The following SETDB1 variants were observed in gnomAD, a reference collection of about 807,000 sequenced individuals.
The protein encoded by SETDB1 is histone-lysine N-methyltransferase SETDB1.
A neutral mutation model predicts 137.4 loss-of-function variants in SETDB1; 31 were observed. That is an observed-to-expected ratio of 0.23 (90% CI 0.17 to 0.30). SETDB1 has a LOEUF of 0.30. Ranked by LOEUF, SETDB1 falls within the 10% of genes least tolerant of loss-of-function variation. The probability of loss-of-function intolerance (pLI) is 1.00; values close to 1 mark genes in which losing one functional copy is unlikely to be tolerated. For synonymous variants in SETDB1, 548 were observed against 579.9 expected (o/e 0.95, Z 0.79); for missense variants, 1,113 against 1,631.5 (o/e 0.68, Z 5.47).
At position 150,949,455 on chromosome 1, in the gene SETDB1, T is replaced by G. The variant is rs1283879226; in HGVS notation, c.1513T>G (p.Ser505Ala). ...FRPGSVGSGH[S>A]SPTSPALSEN... ...ACCAGGATCTGTGGGCTCTGGTCAT[T>G]CCTCCCCTACATCTCCTGCACTCAG... Residue 505 changes from serine (S) to alanine (A), a missense_variant, in exon 12 of 22, where the codon TCC becomes GCC. Transcript: ENST00000692827. The G allele has an allele frequency of 1.9e-6, 3 of 1,613,952 alleles. No individual in the cohort carries two copies. In the Admixed American group the frequency reaches 5.0e-5, roughly 27 times the overall value.
At position 150,954,294 on chromosome 1, in the gene SETDB1, G is replaced by A. The variant is rs1299000284; in HGVS notation, c.2333+2813G>A. ...GCTATGATCACACCACTACACTCTA[G>A]CCTGGGGTGACAGAGCATGACTCTT... On this transcript the variant is annotated intron_variant, in intron 14 of 21. Coordinates refer to ENST00000692827, the MANE Select transcript of SETDB1 (RefSeq NM_001366418.1). 2.0e-5 allele frequency among the ~76,000 whole-genome samples: 3 copies of A among 152,310 alleles called. No homozygotes were observed. The East Asian group carries it at 5.8e-4, about 29-fold the overall frequency.
chr1:150,927,615 G>A lies in SETDB1; in HGVS notation c.-11-89G>A, dbSNP rs1571617503. On this transcript the variant is annotated intron_variant, in intron 1 of 21. Coordinates refer to ENST00000692827, the MANE Select transcript of SETDB1 (RefSeq NM_001366418.1). Reference sequence around the variant, plus strand: ...GAATAGAATAACAGGCAGCAGAGTAGGAATTAGTTTTATTAGGGAACTGAA... The same window carrying A: ...GAATAGAATAACAGGCAGCAGAGTAAGAATTAGTTTTATTAGGGAACTGAA... The A allele has an allele frequency of 5.3e-6, 6 of 1,136,766 alleles. No individual in the cohort carries two copies. The East Asian group carries it at 1.2e-4, about 22-fold the overall frequency. 70.4% of individuals were successfully genotyped at this position (1,136,766 alleles called of 1,614,324 possible). A position where few individuals can be genotyped will look rare whatever the true frequency, so the allele number is the denominator to read the frequency against.
chr1:150,958,486 G>A (rs1274315202), intron 14 of SETDB1, among the ~76,000 whole-genome samples: 3 of 151,852 alleles, frequency 2.0e-5, no homozygotes, highest in South Asian at 2.1e-4. Context: ...TCCTGACCTC[G>A]TGATCCACCC....
chr1:150,930,469 C>T (rs1311969872), intron 3 of SETDB1: 1 of 151,686 alleles, frequency 6.6e-6, no homozygotes, highest in African/African-American at 2.6e-5. Flanking sequence ...CCCGCAACCG[C>T]ATTAAACTCA....
At chr1:150,960,399 C>A (rs1670783005) in intron 15 of SETDB1, among the ~76,000 whole-genome samples, 164 bp from the exon 16 acceptor site, 1 of 150,592 alleles carries the variant, frequency 6.6e-6, no homozygotes, top group Admixed American at 6.6e-5. Context: ...ATCACTTGAA[C>A]CTGGGAGGCA....
At chr1:150,935,088 T>C (rs1669904982) in intron 3 of SETDB1, among the ~76,000 whole-genome samples, 1 of 152,224 alleles carries the variant, frequency 6.6e-6, no homozygotes, top group Non-Finnish European at 1.5e-5. Context: ...CCCAAAGTAC[T>C]GGGATTACAG....
intron 14 of SETDB1, among the ~76,000 whole-genome samples, chr1:150,956,737 G>A (rs587726278): frequency 2.0e-5 from 3 of 151,890 alleles, no homozygotes; most frequent in East Asian, 3.9e-4. Flanking sequence ...GACCACCAGG[G>A]AAATAATCTC....
chr1:150,949,594 T>G, intron 12 of SETDB1, 69 bp downstream of exon 12: 1 of 1,440,514 alleles, frequency 6.9e-7, no homozygotes, highest in Non-Finnish European at 9.6e-7. Context: ...GAAGGTTCCT[T>G]GGCTGTAAGC....
chr1:150,946,876 A>G lies in SETDB1; in HGVS notation c.1141-10A>G. The stretch of plus-strand genomic sequence containing the variant: ...CTATTTCCCTTCATTCTTTTCTCTC[A>G]ATTCCCCAGGATGACAAAAGATGTG... On this transcript the variant is annotated splice_polypyrimidine_tract_variant and intron_variant, in intron 9 of 21. Coordinates refer to ENST00000692827, the MANE Select transcript of SETDB1 (RefSeq NM_001366418.1). The G allele has an allele frequency of 6.2e-7, 1 of 1,613,854 alleles. No individual in the cohort carries two copies. Among genetic ancestry groups the G allele is most frequent in the Non-Finnish European group, 8.5e-7 (1 of 1,179,828 alleles).
chr1:150,944,875 A>T (rs764144719), intron 8 of SETDB1, 43 bp from the exon 9 acceptor site: 1 of 1,606,964 alleles, frequency 6.2e-7, no homozygotes, highest in Admixed American at 1.7e-5. Context: ...CTATCAAGAC[A>T]TGCCCTACCT....
chr1:150,951,899 G>T (rs57378704), intron 14 of SETDB1, among the ~76,000 whole-genome samples: 10,904 of 152,156 alleles, frequency 0.072, 1,334 homozygotes, highest in African/African-American at 0.25. Context: ...TGTAATCCCA[G>T]CACTTTCGGA....
chr1:150,960,649 G>A lies in SETDB1; in HGVS notation c.2590G>A (p.Val864Met), dbSNP rs1350641180. The change falls in exon 16 of 22, where the codon GTG (valine) becomes ATG (methionine). Residue 864 changes from valine (V) to methionine (M), a missense_variant. Coordinates refer to ENST00000692827, the MANE Select transcript of SETDB1 (RefSeq NM_001366418.1). ...TGCAAATCTGGACCATATCGAGAGC[G>A]TGGAGAACTTCAAAGAAGGATATGA... ...YFANLDHIES[V>M]ENFKEGYESD... 5 of 1,613,852 alleles carry A rather than the reference G, an allele frequency of 3.1e-6. No homozygotes were observed. The highest frequency in any genetic ancestry group is 4.2e-6 in the Non-Finnish European group (5 of 1,179,964).
intron 14 of SETDB1, among the ~76,000 whole-genome samples, chr1:150,956,200 A>G (rs1309462737): frequency 2.0e-5 from 3 of 151,988 alleles, no homozygotes; most frequent in Admixed American, 1.3e-4. Context: ...AGCCTGGCCA[A>G]GATGTTGAAA....
chr1:150,952,829 G>A (rs1571652525), intron 14 of SETDB1, among the ~76,000 whole-genome samples: 1 of 152,300 alleles, frequency 6.6e-6, no homozygotes, highest in South Asian at 2.1e-4. Flanking sequence ...GGAGGTTGTG[G>A]TGAGCTAAGA....
Position 150,944,942 on chromosome 1 carries a change from A to G in SETDB1, c.974A>G (p.Glu325Gly). The G allele has an allele frequency of 6.2e-7, 1 of 1,614,170 alleles. No individual in the cohort carries two copies. The change falls in exon 9 of 22, where the codon GAA becomes GGA. Residue 325 changes from glutamate to glycine, a missense_variant. By Grantham distance (98) the Glu-to-Gly change is moderately conservative. Transcript: ENST00000692827. ...GTGAAAAAGACTTGGGAGGACATAG[A>G]AGACATCTCCTGCCGTGACTTCATA... ...RPLKKTWEDIEDISCRDFIEE... is the reference protein window; with the variant it reads ...RPLKKTWEDIGDISCRDFIEE...
Position 150,964,435 on chromosome 1 carries a change from C to A in SETDB1, c.*71C>A. On this transcript the variant is annotated 3_prime_UTR_variant, in exon 22 of 22. Transcript: ENST00000692827. ...GAACTGGGTCTTCCTGATTGTTGAACCCTGACCCGAAGTCTCTGGGCTAGC... is the reference window on the plus strand; with the variant it reads ...GAACTGGGTCTTCCTGATTGTTGAAACCTGACCCGAAGTCTCTGGGCTAGC... The A allele has an allele frequency of 8.8e-7, 1 of 1,138,050 alleles. No individual in the cohort carries two copies. Among genetic ancestry groups the A allele is most frequent in the Non-Finnish European group, 1.3e-6 (1 of 762,638 alleles). 70.5% of individuals were successfully genotyped at this position (1,138,050 alleles called of 1,614,324 possible). A position where few individuals can be genotyped will look rare whatever the true frequency, so the allele number is the denominator to read the frequency against.
intron 1 of SETDB1, chr1:150,926,881 G>A: frequency 3.8e-6 from 2 of 531,788 alleles, no homozygotes; most frequent in South Asian, 2.8e-5. Context: ...GCAAGCTTTC[G>A]TGTGTTTGAA....
At chr1:150,949,564 T>C (rs893324024) in intron 12 of SETDB1, 39 bp downstream of exon 12, 36 of 1,594,412 alleles carry the variant, frequency 2.3e-5, no homozygotes, top group African/African-American at 8.1e-5. Context: ...AGGATAGCAA[T>C]GAGTGGTCAC....
rs1670878622 is a variant in SETDB1 at position 150,963,262 on chromosome 1, T to TG, written c.3460+126dup. 5 of 909,088 alleles carry TG rather than the reference T, an allele frequency of 5.5e-6. No homozygotes were observed. The South Asian group carries it at 8.6e-5, about 16-fold the overall frequency. 56.3% of individuals were successfully genotyped at this position (909,088 alleles called of 1,614,324 possible). On this transcript the variant is annotated intron_variant, in intron 19 of 21. Coordinates refer to ENST00000692827, the MANE Select transcript of SETDB1 (RefSeq NM_001366418.1). ...CAGATCCTAAGAATTGGAGCATCTC[T>TG]GGGAGGGCTTTCTGACTCCAAGCTA...
Sources: gnomAD v4.1 joint callset for allele counts (sites outside exome capture counted in the v4.1 genomes callset) on GRCh38, gnomAD v4.1.1 for gene constraint, MANE v1.5 for transcripts, NCBI Gene and HGNC (gene_info 2026-07-23, HGNC 2026-07-21) for gene names.